Variants in LGSN observed in about 807,000 individuals in gnomAD.
LGSN encodes lengsin, lens protein with glutamine synthetase domain.
LGSN carries 21 observed loss-of-function variants against 19.5 expected under a neutral mutation model. The observed-to-expected ratio is 1.07, with a 90% CI of 0.76 to 1.55. The LOEUF (loss-of-function observed/expected upper bound fraction) is 1.55. Among genes scored for constraint, LGSN ranks in the 40% most tolerant of loss-of-function variants. The pLI, the probability that LGSN is intolerant of heterozygous loss-of-function variation, is 0.00. For missense variants in LGSN, 673 were observed against 608.5 expected (o/e 1.11, Z -1.12); for synonymous variants, 257 against 215.6 (o/e 1.19, Z -1.68).
the LGSN span, among the ~76,000 whole-genome samples, chr6:63,545,918 T>C: frequency 6.6e-6 from 1 of 152,170 alleles, no homozygotes; most frequent in Non-Finnish European, 1.5e-5. Context: ...TTATTCAAAA[T>C]ATATTTACTC....
At chr6:63,427,080 G>A in the LGSN span, among the ~76,000 whole-genome samples, 1 of 136,486 alleles carries the variant, frequency 7.3e-6, no homozygotes, top group Non-Finnish European at 1.6e-5. Context: ...CAGAGTTTCT[G>A]TTCTTGTTAC....
chr6:63,479,479 C>A, the LGSN span, among the ~76,000 whole-genome samples: 3 of 151,830 alleles, frequency 2.0e-5, no homozygotes, highest in East Asian at 5.8e-4. Context: ...GTGGGTCACG[C>A]CTATAATCCC....
At chr6:63,492,647 A>C in the LGSN span, among the ~76,000 whole-genome samples, 1 of 152,242 alleles carries the variant, frequency 6.6e-6, no homozygotes, top group Non-Finnish European at 1.5e-5. Flanking sequence ...TTGCAGCAGC[A>C]GCCTTGACAT....
the LGSN span, among the ~76,000 whole-genome samples, chr6:63,529,718 G>A: frequency 6.6e-6 from 1 of 152,162 alleles, no homozygotes; most frequent in African/African-American, 2.4e-5. Context: ...AAAAGGTTAT[G>A]CATTTTATCA....
chr6:63,284,399 A>G (rs1400410509), intron 3 of LGSN, among the ~76,000 whole-genome samples: 1 of 152,226 alleles, frequency 6.6e-6, no homozygotes, highest in Non-Finnish European at 1.5e-5. Context: ...AAAAAAAAGT[A>G]TGCAGAATTT....
the LGSN span, among the ~76,000 whole-genome samples, chr6:63,522,717 G>A: frequency 2.0e-5 from 3 of 152,072 alleles, no homozygotes; most frequent in East Asian, 1.9e-4. Flanking sequence ...TTTACTCACA[G>A]CTGATACTCT....
the LGSN span, among the ~76,000 whole-genome samples, chr6:63,498,393 C>A: frequency 1.3e-5 from 2 of 152,176 alleles, no homozygotes; most frequent in Non-Finnish European, 2.9e-5. Flanking sequence ...CCTGCCCCAA[C>A]CCATTATTCC....
the LGSN span, among the ~76,000 whole-genome samples, chr6:63,470,429 G>T: frequency 1.3e-5 from 2 of 149,846 alleles, no homozygotes; most frequent in African/African-American, 4.9e-5. Flanking sequence ...AGCAGAGATC[G>T]CACCACTGCA....
chr6:63,403,651 G>A, the LGSN span, among the ~76,000 whole-genome samples: 1 of 152,078 alleles, frequency 6.6e-6, no homozygotes. Flanking sequence ...GAAAAAAAGA[G>A]AAGACAAATT....
At chr6:63,394,829 C>T in the LGSN span, among the ~76,000 whole-genome samples, 1 of 152,204 alleles carries the variant, frequency 6.6e-6, no homozygotes, top group African/African-American at 2.4e-5. Flanking sequence ...CAGCAGCTGC[C>T]ACGGCCTCTG....
At chr6:63,289,287 A>C (rs1440393406) in intron 2 of LGSN, among the ~76,000 whole-genome samples, 3 of 152,220 alleles carry the variant, frequency 2.0e-5, no homozygotes, top group African/African-American at 4.8e-5. Context: ...TTTTCATTTA[A>C]AAGTTCAATT....
At chr6:63,374,929 A>G in the LGSN span, among the ~76,000 whole-genome samples, 1 of 152,088 alleles carries the variant, frequency 6.6e-6, no homozygotes, top group South Asian at 2.1e-4. Context: ...GGAAATTGTG[A>G]CTGGAAAAGA....
the LGSN span, among the ~76,000 whole-genome samples, chr6:63,523,424 C>T: frequency 6.6e-6 from 1 of 152,020 alleles, no homozygotes; most frequent in South Asian, 2.1e-4. Context: ...GTCCCAGCTA[C>T]TCGGGAGGTT....
the LGSN span, among the ~76,000 whole-genome samples, chr6:63,418,569 A>G: frequency 6.6e-6 from 1 of 152,250 alleles, no homozygotes; most frequent in Non-Finnish European, 1.5e-5. Context: ...CAAATAAAAA[A>G]TAAAAATAAA....
At chr6:63,340,943 AC>A in the LGSN span, among the ~76,000 whole-genome samples, 2 of 151,898 alleles carry the variant, frequency 1.3e-5, no homozygotes, top group Non-Finnish European at 2.9e-5. Context: ...ATAGCGAAAG[AC>A]TTTTTTCCTG....
At chr6:63,288,089 T>C (rs978795750) in intron 2 of LGSN, among the ~76,000 whole-genome samples, 1 of 151,560 alleles carries the variant, frequency 6.6e-6, no homozygotes, top group Non-Finnish European at 1.5e-5. Context: ...ATGGTGGCAT[T>C]CACCTGTAAT....
chr6:63,280,852 A>G lies in LGSN; in HGVS notation c.699T>C (p.Asn233=). The G allele has an allele frequency of 6.2e-7, 1 of 1,614,026 alleles. No individual in the cohort carries two copies. The highest frequency in any genetic ancestry group is 8.5e-7 in the Non-Finnish European group (1 of 1,180,008). The change falls in exon 4 of 4, where the codon AAT becomes AAC. Residue 233 remains asparagine (N), a synonymous_variant. Coordinates refer to ENST00000370657, the MANE Select transcript of LGSN (RefSeq NM_016571.3). ...CCTGCATGAAGGGCTGATCATGGTTATTTAAAAATGTTAAAGCAGGAAAAG... is the reference window on the plus strand; with the variant it reads ...CCTGCATGAAGGGCTGATCATGGTTGTTTAAAAATGTTAAAGCAGGAAAAG... The part of the protein sequence containing the change: ...IISFPALTFL[N]NHDQPFMQEL...
At chr6:63,429,568 T>G in the LGSN span, among the ~76,000 whole-genome samples, 4 of 151,986 alleles carry the variant, frequency 2.6e-5, no homozygotes, top group Non-Finnish European at 2.9e-5. Context: ...AAACCCCATC[T>G]CTACTAAAAT....
At chr6:63,397,320 A>G in the LGSN span, among the ~76,000 whole-genome samples, 1 of 152,190 alleles carries the variant, frequency 6.6e-6, no homozygotes, top group Non-Finnish European at 1.5e-5. Flanking sequence ...GGAGGAAATA[A>G]TCACCAAATA....
Sources: allele counts gnomAD v4.1 joint callset (sites outside exome capture counted in the v4.1 genomes callset), GRCh38; gene constraint gnomAD v4.1.1; transcripts MANE v1.5; gene names NCBI Gene and HGNC (gene_info 2026-07-23, HGNC 2026-07-21).